MUC5AC: variants seen among roughly 807,000 people sequenced by gnomAD.
The protein encoded by MUC5AC is mucin-5AC.
MUC5AC carries 158 observed loss-of-function variants against 169.7 expected under a neutral mutation model. That is an observed-to-expected ratio of 0.93 (90% CI 0.82 to 1.06). The LOEUF is 1.06. Among genes scored for constraint, MUC5AC ranks in the 50% least tolerant of loss-of-function variants. The pLI, the probability that MUC5AC is intolerant of heterozygous loss-of-function variation, is 0.00. For missense variants in MUC5AC, 4,359 were observed against 3,089.9 expected, an observed-to-expected ratio of 1.41 and a Z score of -9.74; for synonymous variants, 1,975 against 1,237.0, an observed-to-expected ratio of 1.60 and a Z score of -12.52.
At chr11:1,166,871 C>CT (rs1860348170) in intron 11 of MUC5AC, among the ~76,000 whole-genome samples, 2 of 59,322 alleles carry the variant, frequency 3.4e-5, no homozygotes, top group Admixed American at 1.7e-4. Flanking sequence ...CACACAGTCT[C>CT]CCCAAGATGA....
intron 9 of MUC5AC, among the ~76,000 whole-genome samples, chr11:1,164,767 G>C (rs908739711): frequency 6.8e-6 from 1 of 148,138 alleles, no homozygotes; most frequent in African/African-American, 2.5e-5. Flanking sequence ...CCTGTCCTGA[G>C]CCTCCTGAGG....
At position 1,193,382 on chromosome 11, in the gene MUC5AC, C is replaced by T. The variant is rs562390171; in HGVS notation, c.14581-103C>T. 5 of 632,288 alleles carry T rather than the reference C, an allele frequency of 7.9e-6. No individual in the cohort carries two copies. In the East Asian group the frequency reaches 1.4e-4, roughly 17 times the overall value. The allele number at this position is 632,288 out of a possible 1,614,324, so 39.2% of individuals were successfully genotyped here. Reference sequence around the variant, plus strand: ...AAGGAAACTGGGGCACAGCCACCCTCCCCTGTCCCCACACGGGACTCTCGG... The same window carrying T: ...AAGGAAACTGGGGCACAGCCACCCTTCCCTGTCCCCACACGGGACTCTCGG... On this transcript the variant is annotated intron_variant, in intron 32 of 48. Coordinates refer to ENST00000621226, the MANE Select transcript of MUC5AC (RefSeq NM_001304359.2).
rs1860963062 is a variant in MUC5AC, at chr11:1,186,889, G to A, written c.8744G>A (p.Ser2915Asn). The A allele has an allele frequency of 2.8e-6, 2 of 726,136 alleles. No homozygotes were observed. Among genetic ancestry groups the A allele is most frequent in the African/African-American group, 1.7e-5 (1 of 57,582 alleles). 45.0% of individuals were successfully genotyped at this position (726,136 alleles called of 1,614,324 possible). A position where few individuals can be genotyped will look rare whatever the true frequency, so the allele number is the denominator to read the frequency against. ...AGCACAACCTCTGCCCCTACAACCAGCACAACCTCTGCCCCTACAAGCAGC... is the reference window on the plus strand; with the variant it reads ...AGCACAACCTCTGCCCCTACAACCAACACAACCTCTGCCCCTACAAGCAGC... Reference protein sequence around the residue: ...TTSTTSAPTTSTTSAPTSSTT... With the variant: ...TTSTTSAPTTNTTSAPTSSTT... The change falls in exon 31 of 49, where the codon AGC (serine) becomes AAC (asparagine). Residue 2915 changes from serine to asparagine, a missense_variant. Coordinates refer to ENST00000621226, the MANE Select transcript of MUC5AC (RefSeq NM_001304359.2).
rs1861132557 is a variant in MUC5AC at position 1,192,167 on chromosome 11, C to G, written c.14022C>G (p.Leu4674=). The change falls in exon 31 of 49, where the codon CTC becomes CTG. Residue 4674 remains leucine (L), a synonymous_variant. Transcript: ENST00000621226. ...ICRRPEEITR[L]QCRAESHPEV... is the part of the protein sequence containing the mutation. Reference sequence around the variant, plus strand: ...GCCGACCTGAGGAGATCACCAGGCTCCAGTGCCGAGCCGAGAGCCACCCGG... The same window carrying G: ...GCCGACCTGAGGAGATCACCAGGCTGCAGTGCCGAGCCGAGAGCCACCCGG... The G allele has an allele frequency of 1.3e-6, 1 of 764,996 alleles. No homozygotes were observed. The highest frequency in any genetic ancestry group is 1.7e-5 in the African/African-American group (1 of 59,142). 47.4% of individuals were successfully genotyped at this position (764,996 alleles called of 1,614,324 possible).
intron 15 of MUC5AC, among the ~76,000 whole-genome samples, chr11:1,170,684 TTCACCCAC>T (rs1437196276): frequency 5.8e-5 from 4 of 68,696 alleles, no homozygotes; most frequent in African/African-American, 1.8e-4. Flanking sequence ...AACTCACCCA[TTCACCCAC>T]TCACCCACTC....
intron 1 of MUC5AC, among the ~76,000 whole-genome samples, chr11:1,159,576 T>G (rs1860070241): frequency 1.0e-4 from 3 of 29,002 alleles, no homozygotes; most frequent in African/African-American, 2.4e-4. Context: ...TGCGGGGCTG[T>G]GCGGGGCTGT....
In MUC5AC at chr11:1,185,365, C is replaced by A. The variant is rs1428065687; in HGVS notation, c.7220C>A (p.Ala2407Asp). Reference sequence around the variant, plus strand: ...GTTCCTACCACCAGCACAACCTCTGCCACTACAACCAGCACAACCTCAGCT... The same window carrying A: ...GTTCCTACCACCAGCACAACCTCTGACACTACAACCAGCACAACCTCAGCT... ...SPVPTTSTTS[A>D]TTTSTTSAPT... is the part of the protein sequence containing the mutation. The change falls in exon 31 of 49, where the codon GCC (alanine) becomes GAC (aspartate). Residue 2407 changes from alanine to aspartate, a missense_variant. Physicochemically the swap from Ala to Asp is moderately radical, Grantham distance 126. Transcript: ENST00000621226. 1.5e-5 allele frequency: 11 copies of A among 719,766 alleles called. No individual in the cohort carries two copies. In the East Asian group the frequency reaches 2.9e-4, roughly 19 times the overall value. The allele number at this position is 719,766 out of a possible 1,614,324, so 44.6% of individuals were successfully genotyped here.
chr11:1,190,791 A>C lies in MUC5AC; in HGVS notation c.12646A>C (p.Ser4216Arg). ...CAGCAAAACCTCAGCTGCTACAAGC[A>C]GCACAACCTCCGGTTCTGGAACTAC... is the stretch of plus-strand genomic sequence containing the variant. ...QTSKTSAATS[S>R]TTSGSGTTPS... The change falls in exon 31 of 49, where the codon AGC becomes CGC. Residue 4216 changes from serine (S) to arginine (R), a missense_variant. By Grantham distance (110) the Ser-to-Arg change is moderately radical. Transcript: ENST00000621226. The C allele has an allele frequency of 1.4e-6, 1 of 718,306 alleles. No homozygotes were observed. Among genetic ancestry groups the C allele is most frequent in the Non-Finnish European group, 2.5e-6 (1 of 393,888 alleles). The allele number at this position is 718,306 out of a possible 1,614,324, so 44.5% of individuals were successfully genotyped here. A position where few individuals can be genotyped will look rare whatever the true frequency, so the allele number is the denominator to read the frequency against.
At chr11:1,199,604 C>T in intron 46 of MUC5AC, 91 bp from the exon 47 acceptor site, 1 of 694,324 alleles carries the variant, frequency 1.4e-6, no homozygotes, top group East Asian at 2.7e-5. Flanking sequence ...TGGGGCTGTC[C>T]ACTCCTGAGC....
At position 1,195,915 on chromosome 11, in the gene MUC5AC, G is replaced by A. The variant is rs1298894371; in HGVS notation, c.15498G>A (p.Leu5166=). The change falls in exon 37 of 49, where the codon CTG becomes CTA. Residue 5166 remains leucine (L), a synonymous_variant. Coordinates refer to ENST00000621226, the MANE Select transcript of MUC5AC (RefSeq NM_001304359.2). ...EPCHTVIPPL[L]FYEGCVFDRC... is the part of the protein sequence containing the mutation. ...GCCACACTGTGATCCCCCCACTGCTGTTCTATGAGGGCTGCGTCTTTGACC... is the reference window on the plus strand; with the variant it reads ...GCCACACTGTGATCCCCCCACTGCTATTCTATGAGGGCTGCGTCTTTGACC... 1 of 764,982 alleles carries A rather than the reference G, an allele frequency of 1.3e-6. No homozygotes were observed. Among genetic ancestry groups the A allele is most frequent in the Admixed American group, 1.7e-5 (1 of 59,020 alleles). 47.4% of individuals were successfully genotyped at this position (764,982 alleles called of 1,614,324 possible). A position where few individuals can be genotyped will look rare whatever the true frequency, so the allele number is the denominator to read the frequency against.
chr11:1,161,397 G>A (rs997454574), intron 2 of MUC5AC, 130 bp from the exon 3 acceptor site: 5 of 639,644 alleles, frequency 7.8e-6, no homozygotes, highest in African/African-American at 5.6e-5. Context: ...GGCCCAACAC[G>A]CAGCAGAATC....
In MUC5AC at chr11:1,188,552, C is replaced by A; in HGVS notation, c.10407C>A (p.Ser3469Arg). The change falls in exon 31 of 49, where the codon AGC becomes AGA. Residue 3469 changes from serine (S) to arginine (R), a missense_variant. Transcript: ENST00000621226. ...TSSTTSTPQT[S>R]KTSAATSSTT... ...GCACAACCTCCACTCCACAGACCAG[C>A]AAAACCTCAGCTGCTACAAGCAGCA... 2.6e-6 allele frequency: 2 copies of A among 757,394 alleles called. No individual in the cohort carries two copies. The highest frequency in any genetic ancestry group is 4.8e-6 in the Non-Finnish European group (2 of 413,602). 46.9% of individuals were successfully genotyped at this position (757,394 alleles called of 1,614,324 possible).
At chr11:1,166,285 G>A (rs1474192795) in intron 11 of MUC5AC, among the ~76,000 whole-genome samples, 8 of 135,900 alleles carry the variant, frequency 5.9e-5, no homozygotes, top group Non-Finnish European at 1.1e-4. Flanking sequence ...GTCTCTGCAC[G>A]ATGAGACCCT....
At position 1,171,876 on chromosome 11, in the gene MUC5AC, C is replaced by CA. The variant is rs1477358269; in HGVS notation, c.1871-552dup. Among the ~76,000 whole-genome samples, 6 of 152,054 alleles carry CA rather than the reference C, an allele frequency of 3.9e-5. No homozygotes were observed. In the East Asian group the frequency reaches 7.7e-4, roughly 20 times the overall value. On this transcript the variant is annotated intron_variant, in intron 15 of 48. Transcript: ENST00000621226. The stretch of plus-strand genomic sequence containing the variant: ...TCACCCATTCACTCACTCACCCATT[C>CA]ACCCACTCACCCACTCGCTCACCCA...
In MUC5AC at chr11:1,183,202, C is replaced by G. The variant is rs1860852223; in HGVS notation, c.5057C>G (p.Thr1686Ser). The G allele has an allele frequency of 2.7e-6, 1 of 375,824 alleles. No individual in the cohort carries two copies. Among genetic ancestry groups the G allele is most frequent in the Non-Finnish European group, 4.4e-6 (1 of 226,268 alleles). The allele number at this position is 375,824 out of a possible 1,614,324, so 23.3% of individuals were successfully genotyped here. The change falls in exon 31 of 49, where the codon ACC becomes AGC. Residue 1686 changes from threonine (T) to serine (S), a missense_variant. Transcript: ENST00000621226. Reference sequence around the variant, plus strand: ...AGAGACATCACCAGACTGCCAAAGACCGTCGCAACGACACGGCCGACTCCA... The same window carrying G: ...AGAGACATCACCAGACTGCCAAAGAGCGTCGCAACGACACGGCCGACTCCA... ...VCRDITRLPKTVATTRPTPHP... is the reference protein window; with the variant it reads ...VCRDITRLPKSVATTRPTPHP...
chr11:1,186,834 A>G lies in MUC5AC; in HGVS notation c.8689A>G (p.Thr2897Ala). ...VPTTSTTSAP[T>A]TRTTSAPTTS... ...CACCACCAGTACAACCTCTGCTCCTACAACCAGAACAACCTCTGCTCCTAC... is the reference window on the plus strand; with the variant it reads ...CACCACCAGTACAACCTCTGCTCCTGCAACCAGAACAACCTCTGCTCCTAC... Residue 2897 changes from threonine to alanine, a missense_variant, in exon 31 of 49, where the codon ACA (threonine) becomes GCA (alanine). Physicochemically the swap from Thr to Ala is moderately conservative, Grantham distance 58. Coordinates refer to ENST00000621226, the MANE Select transcript of MUC5AC (RefSeq NM_001304359.2). 1 of 708,988 alleles carries G rather than the reference A, an allele frequency of 1.4e-6. No homozygotes were observed. The highest frequency in any genetic ancestry group is 2.6e-6 in the Non-Finnish European group (1 of 388,664). The allele number at this position is 708,988 out of a possible 1,614,324, so 43.9% of individuals were successfully genotyped here. A position where few individuals can be genotyped will look rare whatever the true frequency, so the allele number is the denominator to read the frequency against.
At chr11:1,176,366 C>G in intron 20 of MUC5AC, 115 bp downstream of exon 20, 3 of 398,662 alleles carry the variant, frequency 7.5e-6, no homozygotes, top group Non-Finnish European at 1.3e-5. Context: ...CATGGGCTGC[C>G]CCACGTCCCA....
chr11:1,169,993 T>TCAC (rs1860454299), intron 15 of MUC5AC, among the ~76,000 whole-genome samples: 4 of 78,460 alleles, frequency 5.1e-5, no homozygotes, highest in African/African-American at 1.5e-4. Context: ...CACTCACCCA[T>TCAC]TCACCCATTC....
rs760758437 is a variant in MUC5AC, at chr11:1,196,614, C to T, written c.15726-3C>T. 1.1e-5 allele frequency: 8 copies of T among 761,556 alleles called. No individual in the cohort carries two copies. The East Asian group carries it at 1.7e-4, about 16-fold the overall frequency. 47.2% of individuals were successfully genotyped at this position (761,556 alleles called of 1,614,324 possible). A position where few individuals can be genotyped will look rare whatever the true frequency, so the allele number is the denominator to read the frequency against. On this transcript the variant is annotated splice_region_variant and splice_polypyrimidine_tract_variant and intron_variant, in intron 38 of 48. Coordinates refer to ENST00000621226, the MANE Select transcript of MUC5AC (RefSeq NM_001304359.2). ...AGACCCACCAACCCTATGCTCTCTACAGGGCTCTGCCGGAGGCCGGCCCCA... is the reference window on the plus strand; with the variant it reads ...AGACCCACCAACCCTATGCTCTCTATAGGGCTCTGCCGGAGGCCGGCCCCA...
Sources: allele counts gnomAD v4.1 joint callset (sites outside exome capture counted in the v4.1 genomes callset), GRCh38; gene constraint gnomAD v4.1.1; transcripts MANE v1.5; gene names NCBI Gene and HGNC (gene_info 2026-07-23, HGNC 2026-07-21).